The following EPHA5 variants were observed in gnomAD, a reference collection of about 807,000 sequenced individuals.
EPHA5 encodes EPH receptor A5.
In EPHA5, 60 loss-of-function variants were observed where a neutral mutation model predicts 105.0. The ratio of observed to expected loss-of-function variants is 0.57; its 90% CI spans 0.46 to 0.71. The LOEUF (loss-of-function observed/expected upper bound fraction) is 0.71. Ranked by LOEUF, EPHA5 falls within the 30% of genes least tolerant of loss-of-function variation. The pLI is 0.00. For synonymous variants in EPHA5, 513 were observed against 449.1 expected, an observed-to-expected ratio of 1.14 and a Z score of -1.80; for missense variants, 1,218 against 1,274.7, an observed-to-expected ratio of 0.96 and a Z score of 0.68.
Position 65,490,704 on chromosome 4 carries a change from A to AG in EPHA5, c.1074dup (p.Ser359LeufsTer11). Reference sequence around the variant, plus strand: ...TTTGAGATGGCATTCCGAGGAGCAGAGGGGGGTCCTGGTTTACAAAGTAAA... The same window carrying AG: ...TTTGAGATGGCATTCCGAGGAGCAGAGGGGGGGTCCTGGTTTACAAAGTAAA... On this transcript the variant is annotated frameshift_variant, in exon 5 of 17. Coordinates refer to ENST00000613740, the MANE Select transcript of EPHA5 (RefSeq NM_001281766.3). LOFTEE classifies it high-confidence loss of function. 1.2e-6 allele frequency: 2 copies of AG among 1,613,076 alleles called. No individual in the cohort carries two copies. Among genetic ancestry groups the AG allele is most frequent in the African/African-American group, 2.7e-5 (2 of 75,018 alleles).
chr4:65,456,721 T>TACACACACACAC (rs71604535), intron 5 of EPHA5, among the ~76,000 whole-genome samples: 9 of 123,940 alleles, frequency 7.3e-5, no homozygotes, highest in African/African-American at 1.8e-4. Flanking sequence ...AAAATAAACA[T>TACACACACACAC]ATACACACAC....
chr4:65,331,936 C>T (rs1011204312), intron 16 of EPHA5, 37 bp downstream of exon 16: 2 of 1,567,498 alleles, frequency 1.3e-6, no homozygotes, highest in African/African-American at 1.4e-5. Flanking sequence ...TTTCTTGCCC[C>T]AGCAATTATG....
rs1199176187 is a variant in EPHA5 at position 65,445,462 on chromosome 4, T to C, written c.1403-24897A>G. Among the ~76,000 whole-genome samples the C allele has an allele frequency of 2.6e-5, 4 of 152,292 alleles. No individual in the cohort carries two copies. The East Asian group carries it at 7.7e-4, about 29-fold the overall frequency. On this transcript the variant is annotated intron_variant, in intron 5 of 16. Transcript: ENST00000613740. ...TAGCTGGAAGCCTTCAAATATTGCTTCTTTATGAGAAAAGTTAATTGGTCA... is the reference window on the plus strand; with the variant it reads ...TAGCTGGAAGCCTTCAAATATTGCTCCTTTATGAGAAAAGTTAATTGGTCA...
At chr4:65,464,013 TA>T (rs1728367971) in intron 5 of EPHA5, among the ~76,000 whole-genome samples, 1 of 151,788 alleles carries the variant, frequency 6.6e-6, no homozygotes, top group Non-Finnish European at 1.5e-5. Flanking sequence ...AAAAAATAAA[TA>T]AATAAATATT....
At chr4:65,483,088 C>T (rs904427661) in intron 5 of EPHA5, among the ~76,000 whole-genome samples, 8 of 152,098 alleles carry the variant, frequency 5.3e-5, no homozygotes, top group Non-Finnish European at 1.5e-5. Context: ...TCAATTCCCA[C>T]CTATGAGTGA....
chr4:65,417,367 A>G (rs1723488409), intron 6 of EPHA5, among the ~76,000 whole-genome samples: 1 of 152,248 alleles, frequency 6.6e-6, no homozygotes, highest in Admixed American at 6.5e-5. Flanking sequence ...CATGGTATAA[A>G]AACTCATAAT....
intron 8 of EPHA5, among the ~76,000 whole-genome samples, chr4:65,397,661 A>G (rs1721378521): frequency 6.6e-6 from 1 of 151,348 alleles, no homozygotes; most frequent in Admixed American, 6.6e-5. Flanking sequence ...CACTTGATCC[A>G]TGCACACTTA....
intron 11 of EPHA5, among the ~76,000 whole-genome samples, chr4:65,364,345 C>T (rs918308990): frequency 2.0e-5 from 3 of 151,482 alleles, no homozygotes; most frequent in Non-Finnish European, 3.0e-5. Flanking sequence ...AGCTATGTGC[C>T]ACAAAAATAC....
chr4:65,548,361 G>GA (rs1737585270), intron 3 of EPHA5, among the ~76,000 whole-genome samples: 1 of 150,522 alleles, frequency 6.6e-6, no homozygotes, highest in Non-Finnish European at 1.5e-5. Context: ...TAAGTAGGAG[G>GA]AAAAAAATTC....
At chr4:65,517,391 G>A (rs1055648163) in intron 3 of EPHA5, among the ~76,000 whole-genome samples, 1 of 151,638 alleles carries the variant, frequency 6.6e-6, no homozygotes, top group Non-Finnish European at 1.5e-5. Context: ...AAACAGAATA[G>A]TAATAATTTA....
chr4:65,629,392 T>C (rs1057251157), intron 2 of EPHA5, among the ~76,000 whole-genome samples: 1 of 152,124 alleles, frequency 6.6e-6, no homozygotes, highest in African/African-American at 2.4e-5. Flanking sequence ...CAAAGCATCA[T>C]AGAGGAACAG....
intron 2 of EPHA5, among the ~76,000 whole-genome samples, chr4:65,604,196 T>A (rs897336391): frequency 8.8e-6 from 1 of 114,220 alleles, no homozygotes; most frequent in African/African-American, 3.1e-5. Flanking sequence ...AATAACAGGA[T>A]CTTTCAAGAT....
At position 65,319,743 on chromosome 4, in the gene EPHA5, T is replaced by C; in HGVS notation, c.*4371A>G. ...ACTTGAGATAGCCTGATGTATATCA[T>C]AGAATAAGATATGCTATATAGCTGC... is the stretch of plus-strand genomic sequence containing the variant. On this transcript the variant is annotated 3_prime_UTR_variant, in exon 17 of 17. Coordinates refer to ENST00000613740, the MANE Select transcript of EPHA5 (RefSeq NM_001281766.3). 1 of 227,338 alleles carries C rather than the reference T, an allele frequency of 4.4e-6. No homozygotes were observed. The highest frequency in any genetic ancestry group is 8.8e-6 in the Non-Finnish European group (1 of 114,282). 14.1% of individuals were successfully genotyped at this position (227,338 alleles called of 1,614,324 possible). A position where few individuals can be genotyped will look rare whatever the true frequency, so the allele number is the denominator to read the frequency against.
chr4:65,458,826 C>T (rs769088626), intron 5 of EPHA5, among the ~76,000 whole-genome samples: 3 of 151,826 alleles, frequency 2.0e-5, no homozygotes, highest in Non-Finnish European at 2.9e-5. Flanking sequence ...TTTAGTGAAC[C>T]GTTCATTTAC....
intron 12 of EPHA5, 53 bp from the exon 13 acceptor site, chr4:65,351,651 A>T: frequency 6.6e-7 from 1 of 1,512,054 alleles, no homozygotes; most frequent in Non-Finnish European, 9.2e-7. Context: ...ACTGGGGGAA[A>T]ATATGAGAGG....
chr4:65,418,271 A>G (rs1342142736), intron 6 of EPHA5, among the ~76,000 whole-genome samples: 1 of 152,238 alleles, frequency 6.6e-6, no homozygotes, highest in African/African-American at 2.4e-5. Context: ...AAAGGTTACA[A>G]AAACTTGAAT....
intron 2 of EPHA5, among the ~76,000 whole-genome samples, chr4:65,614,853 G>A (rs940614664): frequency 2.0e-5 from 3 of 151,720 alleles, no homozygotes; most frequent in African/African-American, 7.2e-5. Context: ...AGATACATAT[G>A]CCAAAGTAAG....
At position 65,669,636 on chromosome 4, in the gene EPHA5, C is replaced by G. The variant is rs2149571318; in HGVS notation, c.107G>C (p.Arg36Pro). The change falls in exon 1 of 17, where the codon CGA (arginine) becomes CCA (proline). Residue 36 changes from arginine (R) to proline (P), a missense_variant. Transcript: ENST00000613740. ...AAGGCACGTCCAGAGGGGAGCCCGT[C>G]GAGGTGCAGAGTAGCAGCCGGCCAG... ...ASLAGCYSAP[R>P]RAPLWTCLLL... 1 of 1,411,338 alleles carries G rather than the reference C, an allele frequency of 7.1e-7. No individual in the cohort carries two copies. The highest frequency in any genetic ancestry group is 9.3e-7 in the Non-Finnish European group (1 of 1,076,548). The allele number at this position is 1,411,338 out of a possible 1,614,324, so 87.4% of individuals were successfully genotyped here.
At position 65,602,101 on chromosome 4, in the gene EPHA5, G is replaced by T. The variant is rs150242892; in HGVS notation, c.450C>A (p.Thr150=). The part of the protein sequence containing the change: ...LPGGLGTCKE[T]FNMYYFESDD... ...CTGACTCAAAGTAATACATATTAAA[G>T]GTTTCCTTACAGGTCCCCAGTCCTC... is the stretch of plus-strand genomic sequence containing the variant. The change falls in exon 3 of 17, where the codon ACC becomes ACA. Residue 150 remains threonine (T), a synonymous_variant. Coordinates refer to ENST00000613740, the MANE Select transcript of EPHA5 (RefSeq NM_001281766.3). The T allele has an allele frequency of 1.1e-4, 176 of 1,614,026 alleles. 1 individual carries two copies. In the East Asian group the frequency reaches 3.9e-3, roughly 36 times the overall value.
Sources: gnomAD v4.1 joint callset for allele counts (sites outside exome capture counted in the v4.1 genomes callset) on GRCh38, gnomAD v4.1.1 for gene constraint, MANE v1.5 for transcripts, NCBI Gene and HGNC (gene_info 2026-07-23, HGNC 2026-07-21) for gene names.